PRDM7: variants seen among roughly 807,000 people sequenced by gnomAD.
PRDM7 encodes PR/SET domain 7, also known as histone-lysine N-methyltransferase PRDM7.
In PRDM7, 52 loss-of-function variants were observed where a neutral mutation model predicts 64.3. The ratio of observed to expected loss-of-function variants is 0.81; its 90% CI spans 0.65 to 1.02. The LOEUF is 1.02. Ranked by LOEUF, PRDM7 falls within the 50% of genes least tolerant of loss-of-function variation. PRDM7 has a pLI of 0.00. For synonymous variants in PRDM7, 192 were observed against 210.1 expected (o/e 0.91, Z 0.74); for missense variants, 574 against 597.1 (o/e 0.96, Z 0.40).
At position 90,057,902 on chromosome 16, in the gene PRDM7, G is replaced by A; in HGVS notation, c.*387C>T. 2 of 1,542,250 alleles carry A rather than the reference G, an allele frequency of 1.3e-6. No individual in the cohort carries two copies. Among genetic ancestry groups the A allele is most frequent in the Non-Finnish European group, 1.8e-6 (2 of 1,128,470 alleles). ...TGTCCTCTGGTGAATGAGGAGGACT[G>A]ACTTCCGGCTAAAGCCCCGCTCACA... On this transcript the variant is annotated 3_prime_UTR_variant, in exon 11 of 11. Transcript: ENST00000449207.
At position 90,072,217 on chromosome 16, in the gene PRDM7, C is replaced by T. The variant is rs1242722508; in HGVS notation, c.301+2699G>A. Reference sequence around the variant, plus strand: ...CTGCACTCCAGCCTGGGCGACAGAGCGAGACTCCATCTCAAAAAAAAAAAA... The same window carrying T: ...CTGCACTCCAGCCTGGGCGACAGAGTGAGACTCCATCTCAAAAAAAAAAAA... On this transcript the variant is annotated intron_variant, in intron 4 of 10. Coordinates refer to ENST00000449207, the MANE Select transcript of PRDM7 (RefSeq NM_001098173.2). Among the ~76,000 whole-genome samples the T allele has an allele frequency of 2.1e-4, 30 of 143,836 alleles. 1 individual carries two copies. In the East Asian group the frequency reaches 2.1e-3, roughly 10 times the overall value. The allele number at this position is 143,836 out of a possible 152,430, so 94.4% of individuals were successfully genotyped here. A position where few individuals can be genotyped will look rare whatever the true frequency, so the allele number is the denominator to read the frequency against.
chr16:90,063,592 C>T lies in PRDM7; in HGVS notation c.508+20G>A, dbSNP rs9926854. The stretch of plus-strand genomic sequence containing the variant: ...CTAGAGGACATAGAGGGACTAAATT[C>T]CCCTCAAATTTTTTCTTACCCAGTT... On this transcript the variant is annotated intron_variant, in intron 6 of 10. Coordinates refer to ENST00000449207, the MANE Select transcript of PRDM7 (RefSeq NM_001098173.2). 4 of 1,611,320 alleles carry T rather than the reference C, an allele frequency of 2.5e-6. No homozygotes were observed. The Admixed American group carries it at 6.7e-5, about 27-fold the overall frequency.
intron 4 of PRDM7, among the ~76,000 whole-genome samples, chr16:90,073,524 T>C (rs1384484677): frequency 6.6e-6 from 1 of 151,868 alleles, no homozygotes; most frequent in Non-Finnish European, 1.5e-5. Context: ...CTCAGCCTCC[T>C]GAGTAGCTGG....
At position 90,075,831 on chromosome 16, in the gene PRDM7, C is replaced by T. The variant is rs368849529; in HGVS notation, c.69+11G>A. 89 of 1,613,214 alleles carry T rather than the reference C, an allele frequency of 5.5e-5. No homozygotes were observed. In the African/African-American group the frequency reaches 8.9e-4, roughly 16 times the overall value. On this transcript the variant is annotated intron_variant, in intron 2 of 10. Coordinates refer to ENST00000449207, the MANE Select transcript of PRDM7 (RefSeq NM_001098173.2). This position sits in a 1 kb window ranked among gnomAD's most constrained non-coding sequence, Gnocchi z 4.3. ...TGCTGGGAGTCTGGCTTCGCCTCCCCGACTTCTCACCATGGGCTTCCGCTC... is the reference window on the plus strand; with the variant it reads ...TGCTGGGAGTCTGGCTTCGCCTCCCTGACTTCTCACCATGGGCTTCCGCTC...
chr16:90,059,444 C>T (rs1382842078), intron 10 of PRDM7, among the ~76,000 whole-genome samples: 2 of 152,234 alleles, frequency 1.3e-5, no homozygotes, highest in Non-Finnish European at 1.5e-5. Context: ...CATTTTCTCT[C>T]ACTTGGAAAC....
chr16:90,063,703 T>A lies in PRDM7; in HGVS notation c.417A>T (p.Leu139Phe). 1.2e-6 allele frequency: 2 copies of A among 1,614,220 alleles called. No homozygotes were observed. The highest frequency in any genetic ancestry group is 1.1e-5 in the South Asian group (1 of 91,086). ...SLRELSGTPNLLNTSDSEQAQ... is the reference protein window; with the variant it reads ...SLRELSGTPNFLNTSDSEQAQ... ...CCTGCTCTGAGTCACTTGTATTCAG[T>A]AAATTTGGCGTTCCTGACAATTCTC... Residue 139 changes from leucine to phenylalanine, a missense_variant, in exon 6 of 11, where the codon TTA (leucine) becomes TTT (phenylalanine). Physicochemically the swap from Leu to Phe is conservative, Grantham distance 22. Coordinates refer to ENST00000449207, the MANE Select transcript of PRDM7 (RefSeq NM_001098173.2).
chr16:90,063,813 T>A, intron 5 of PRDM7, 45 bp from the exon 6 acceptor site: 2 of 1,606,282 alleles, frequency 1.2e-6, no homozygotes, highest in Non-Finnish European at 1.7e-6. Flanking sequence ...TGCATTTATT[T>A]AGTTCTTTAC....
At chr16:90,077,033 G>A (rs2038046970) in intron 1 of PRDM7, among the ~76,000 whole-genome samples, 193 bp downstream of exon 1, 1 of 152,008 alleles carries the variant, frequency 6.6e-6, no homozygotes, top group African/African-American at 2.4e-5. Flanking sequence ...GAGATTCGAT[G>A]TTCCTCTGGG....
At chr16:90,072,046 T>G (rs978395920) in intron 4 of PRDM7, among the ~76,000 whole-genome samples, 1 of 151,910 alleles carries the variant, frequency 6.6e-6, no homozygotes, top group African/African-American at 2.4e-5. Flanking sequence ...CTGGCTAACA[T>G]GGTGAAACCC....
At chr16:90,061,305 A>T in intron 9 of PRDM7, 147 bp downstream of exon 9, 1 of 718,688 alleles carries the variant, frequency 1.4e-6, no homozygotes. Flanking sequence ...TATTTCTAAA[A>T]GTTGATGGTA....
At chr16:90,071,274 G>A (rs2037951721) in intron 4 of PRDM7, among the ~76,000 whole-genome samples, 1 of 152,154 alleles carries the variant, frequency 6.6e-6, no homozygotes, top group Admixed American at 6.5e-5. Flanking sequence ...TGGTAATACA[G>A]GTGCATGCCA....
Position 90,076,827 on chromosome 16 carries a change from G to A in PRDM7, c.-86+399C>T, listed in dbSNP as rs147569430. On this transcript the variant is annotated intron_variant, in intron 1 of 10. Coordinates refer to ENST00000449207, the MANE Select transcript of PRDM7 (RefSeq NM_001098173.2). ...TGGGTCTCTCATTAATGGGTTTTAG[G>A]GTGTTTGACACTGAGGTTATTTGGT... 4.0e-3 allele frequency among the ~76,000 whole-genome samples: 607 copies of A among 152,078 alleles called. 3 individuals are homozygous for A. Among genetic ancestry groups the A allele is most frequent in the African/African-American group, 0.014 (571 of 41,454 alleles).
At chr16:90,062,307 A>G (rs2037794301) in intron 7 of PRDM7, 94 bp downstream of exon 7, 3 of 1,613,466 alleles carry the variant, frequency 1.9e-6, no homozygotes, top group Non-Finnish European at 2.5e-6. Context: ...ACTTTAATTC[A>G]TTCGAGTAAG....
intron 5 of PRDM7, among the ~76,000 whole-genome samples, 192 bp from the exon 6 acceptor site, chr16:90,063,960 T>C (rs914021894): frequency 7.2e-5 from 11 of 152,368 alleles, no homozygotes; most frequent in African/African-American, 2.4e-4. Flanking sequence ...CTTAAGGCTC[T>C]TTCCTTCAAC....
At chr16:90,058,842 A>G (rs2037722633) in intron 10 of PRDM7, among the ~76,000 whole-genome samples, 1 of 152,090 alleles carries the variant, frequency 6.6e-6, no homozygotes, top group Non-Finnish European at 1.5e-5. Context: ...CCTTTCCCCC[A>G]TGCCACAGGT....
chr16:90,058,466 G>C lies in PRDM7; in HGVS notation c.1302C>G (p.Val434=). ...VWPFQVKNFS[V]NMWNAITPLR... ...GAGGAGTGATTGCGTTCCACATGTT[G>C]ACTGAGAAATTTTTGACTTGAAAAG... The change falls in exon 11 of 11, where the codon GTC becomes GTG. Residue 434 remains valine, a synonymous_variant. Transcript: ENST00000449207. 2.5e-6 allele frequency: 4 copies of C among 1,614,178 alleles called. 1 individual carries two copies. The South Asian group carries it at 4.4e-5, about 18-fold the overall frequency.
rs2037689081 is a variant in PRDM7 at position 90,056,629 on chromosome 16, C to T, written c.*1660G>A. 1 of 152,202 alleles carries T rather than the reference C, an allele frequency of 6.6e-6. No homozygotes were observed. 9.4% of individuals were successfully genotyped at this position (152,202 alleles called of 1,614,324 possible). On this transcript the variant is annotated 3_prime_UTR_variant, in exon 11 of 11. Coordinates refer to ENST00000449207, the MANE Select transcript of PRDM7 (RefSeq NM_001098173.2). ...CAAGACTGCTGTCTCAAGAGCCGAG[C>T]TCCCCGAGTGAGCAATTCCTGTCCC...
chr16:90,075,587 CAT>C lies in PRDM7; in HGVS notation c.70-115_70-114del. 1 of 1,546,952 alleles carries C rather than the reference CAT, an allele frequency of 6.5e-7. No individual in the cohort carries two copies. The highest frequency in any genetic ancestry group is 8.9e-7 in the Non-Finnish European group (1 of 1,121,384). The stretch of plus-strand genomic sequence containing the variant: ...GGGGCCTCTGGGAGTCTCTGTGAAA[CAT>C]AAAGACCTTCCCTCCTTCTCCAGAT... On this transcript the variant is annotated intron_variant, in intron 2 of 10. Transcript: ENST00000449207. The surrounding 1 kb of genome is among the most constrained non-coding windows in gnomAD (Gnocchi z 4.3).
intron 4 of PRDM7, among the ~76,000 whole-genome samples, chr16:90,071,224 C>T (rs545407049): frequency 1.3e-5 from 2 of 151,454 alleles, no homozygotes; most frequent in African/African-American, 4.9e-5. Flanking sequence ...CTCTGTCTCC[C>T]GGGTTCAAGT....
Sources: gnomAD v4.1 joint callset for allele counts (sites outside exome capture counted in the v4.1 genomes callset) on GRCh38, gnomAD v4.1.1 for gene constraint, Gnocchi (gnomAD v3.1) non-coding constraint, MANE v1.5 for transcripts, NCBI Gene and HGNC (gene_info 2026-07-23, HGNC 2026-07-21) for gene names.